PDSS2: variants seen among roughly 807,000 people sequenced by gnomAD.
The protein encoded by PDSS2 is decaprenyl diphosphate synthase subunit 2.
Under a neutral mutation model 44.5 loss-of-function variants are expected in PDSS2, and 31 were observed. The ratio of observed to expected loss-of-function variants is 0.70; its 90% CI spans 0.52 to 0.94. PDSS2 has a LOEUF of 0.94. PDSS2 is among the 40% of genes least tolerant of loss of function. The pLI, the probability that PDSS2 is intolerant of heterozygous loss-of-function variation, is 0.00. For synonymous variants in PDSS2, 157 were observed against 180.3 expected, an observed-to-expected ratio of 0.87 and a Z score of 1.03; for missense variants, 452 against 482.2, an observed-to-expected ratio of 0.94 and a Z score of 0.59.
intron 1 of PDSS2, among the ~76,000 whole-genome samples, chr6:107,370,136 A>T (rs1779087490): frequency 6.6e-6 from 1 of 152,228 alleles, no homozygotes. Context: ...ATAAAAGAGC[A>T]AAAGAGACCT....
chr6:107,230,466 C>A (rs534563906), intron 4 of PDSS2, among the ~76,000 whole-genome samples: 3 of 152,172 alleles, frequency 2.0e-5, no homozygotes, highest in Non-Finnish European at 4.4e-5. Context: ...CTTAATCCAT[C>A]TGACTCCAGT....
chr6:107,316,321 G>A (rs1333248647), intron 2 of PDSS2, among the ~76,000 whole-genome samples: 1 of 152,094 alleles, frequency 6.6e-6, no homozygotes, highest in African/African-American at 2.4e-5. Context: ...TGTCTAGTAT[G>A]TGTGTCTACT....
intron 7 of PDSS2, among the ~76,000 whole-genome samples, chr6:107,169,695 CA>C (rs1554248163): frequency 6.6e-6 from 1 of 152,178 alleles, no homozygotes. Context: ...TTCCTTCTAA[CA>C]GTCAGGACCC....
At chr6:107,368,266 C>CA (rs57434839) in intron 1 of PDSS2, among the ~76,000 whole-genome samples, 4,469 of 67,028 alleles carry the variant, frequency 0.067, 159 homozygotes, top group African/African-American at 0.15. Context: ...AGACTCGTCT[C>CA]AAAAAAAAAA....
chr6:107,206,318 C>T (rs1337538504), intron 6 of PDSS2, among the ~76,000 whole-genome samples: 4 of 152,176 alleles, frequency 2.6e-5, no homozygotes, highest in Non-Finnish European at 5.9e-5. Context: ...GTGATCCGCC[C>T]ACCTCGGCCT....
chr6:107,301,651 A>C (rs1776697919), intron 2 of PDSS2, among the ~76,000 whole-genome samples: 1 of 152,140 alleles, frequency 6.6e-6, no homozygotes, highest in East Asian at 1.9e-4. Flanking sequence ...ACACTTGAAA[A>C]GGTAAAATGA....
chr6:107,175,907 T>G (rs1771769651), intron 7 of PDSS2, among the ~76,000 whole-genome samples: 1 of 152,196 alleles, frequency 6.6e-6, no homozygotes, highest in Non-Finnish European at 1.5e-5. Flanking sequence ...TATTTTTACT[T>G]AAATCCTTAA....
At chr6:107,360,288 T>C (rs1255156914) in intron 1 of PDSS2, among the ~76,000 whole-genome samples, 3 of 152,232 alleles carry the variant, frequency 2.0e-5, no homozygotes, top group Non-Finnish European at 4.4e-5. Flanking sequence ...TCCTGTGTAT[T>C]CTCTCTTCTC....
intron 1 of PDSS2, among the ~76,000 whole-genome samples, chr6:107,386,603 C>A (rs928548050): frequency 6.6e-5 from 10 of 152,160 alleles, no homozygotes; most frequent in African/African-American, 2.4e-4. Context: ...CTAGTGCAAT[C>A]TCCTCATTTC....
chr6:107,206,474 T>A (rs886981818), intron 6 of PDSS2, among the ~76,000 whole-genome samples: 1 of 152,230 alleles, frequency 6.6e-6, no homozygotes, highest in Non-Finnish European at 1.5e-5. Context: ...GGAAAAGATC[T>A]AGTTTAATGC....
chr6:107,330,613 T>A (rs1288232625), intron 2 of PDSS2, among the ~76,000 whole-genome samples: 1 of 152,218 alleles, frequency 6.6e-6, no homozygotes, highest in Non-Finnish European at 1.5e-5. Flanking sequence ...GCATTATATA[T>A]TGTAATAAAC....
chr6:107,204,412 A>T (rs1772901721), intron 6 of PDSS2, among the ~76,000 whole-genome samples: 1 of 152,180 alleles, frequency 6.6e-6, no homozygotes, highest in South Asian at 2.1e-4. Flanking sequence ...AATATTGCTG[A>T]TCTGAACATT....
rs145548852 is a variant in PDSS2 at position 107,193,756 on chromosome 6, A to G, written c.1041+66T>C. 4.6e-5 allele frequency: 45 copies of G among 970,304 alleles called. No individual in the cohort carries two copies. In the East Asian group the frequency reaches 1.0e-3, roughly 22 times the overall value. 60.1% of individuals were successfully genotyped at this position (970,304 alleles called of 1,614,324 possible). On this transcript the variant is annotated intron_variant, in intron 7 of 7. Transcript: ENST00000369037. ...ATCATTCTCTTTTGACCTTTCAAAT[A>G]TAAACGAAAGCCAAACACCAAATTG...
chr6:107,201,341 T>C (rs1582776010), intron 6 of PDSS2, among the ~76,000 whole-genome samples: 1 of 130,636 alleles, frequency 7.7e-6, no homozygotes, highest in African/African-American at 2.9e-5. Flanking sequence ...ACTGGAGGCC[T>C]CCTCGGACAG....
At chr6:107,226,544 T>C (rs1773829199) in intron 4 of PDSS2, among the ~76,000 whole-genome samples, 1 of 152,080 alleles carries the variant, frequency 6.6e-6, no homozygotes, top group Non-Finnish European at 1.5e-5. Context: ...GGAGGATGTC[T>C]GTGGATCAGC....
At chr6:107,385,731 TTCTC>T (rs921456576) in intron 1 of PDSS2, among the ~76,000 whole-genome samples, 2 of 152,046 alleles carry the variant, frequency 1.3e-5, no homozygotes, top group Non-Finnish European at 2.9e-5. Context: ...ATCTTTTTTT[TTCTC>T]TCTCTTTTTT....
intron 4 of PDSS2, among the ~76,000 whole-genome samples, chr6:107,237,898 A>G (rs6923106): frequency 0.024 from 3,226 of 133,042 alleles, 98 homozygotes; most frequent in African/African-American, 0.08. Context: ...TCCGTCTCTG[A>G]AAAAAAAAAA....
At chr6:107,249,557 G>A (rs751468250) in intron 3 of PDSS2, among the ~76,000 whole-genome samples, 9 of 152,068 alleles carry the variant, frequency 5.9e-5, no homozygotes, top group East Asian at 1.9e-4. Flanking sequence ...TGGTGACTGC[G>A]AGAATAGCAG....
intron 3 of PDSS2, among the ~76,000 whole-genome samples, chr6:107,251,793 C>T (rs1308001970): frequency 3.9e-5 from 6 of 151,926 alleles, no homozygotes; most frequent in East Asian, 1.9e-4. Context: ...CTGAATAGGC[C>T]GATAAAGGTA....
Sources: allele counts gnomAD v4.1 joint callset (sites outside exome capture counted in the v4.1 genomes callset), GRCh38; gene constraint gnomAD v4.1.1; transcripts MANE v1.5; gene names NCBI Gene and HGNC (gene_info 2026-07-23, HGNC 2026-07-21).